The following TYW1 variants were observed in gnomAD, a reference collection of about 807,000 sequenced individuals.
TYW1 encodes tRNA-yW synthesizing protein 1 homolog, also known as S-adenosyl-L-methionine-dependent tRNA 4-demethylwyosine synthase TYW1.
In TYW1, 46 loss-of-function variants were observed where a neutral mutation model predicts 96.2. The ratio of observed to expected loss-of-function variants is 0.48; its 90% CI spans 0.38 to 0.61. The LOEUF (loss-of-function observed/expected upper bound fraction) is 0.61, where lower values mean the gene tolerates loss of function less well. Among genes scored for constraint, TYW1 ranks in the 20% least tolerant of loss-of-function variants. TYW1 has a pLI of 0.00. For synonymous variants in TYW1, 274 were observed against 323.0 expected (o/e 0.85, Z 1.63); for missense variants, 684 against 909.6 (o/e 0.75, Z 3.19).
chr7:67,079,245 A>C (rs1796308575), intron 10 of TYW1, among the ~76,000 whole-genome samples: 1 of 151,458 alleles, frequency 6.6e-6, no homozygotes, highest in Non-Finnish European at 1.5e-5. Context: ...CTGGCCATGT[A>C]CTTTTTTCTT....
At chr7:67,168,502 A>G (rs1799420222) in intron 13 of TYW1, among the ~76,000 whole-genome samples, 1 of 152,132 alleles carries the variant, frequency 6.6e-6, no homozygotes, top group Non-Finnish European at 1.5e-5. Context: ...ATAAATAATT[A>G]TAGGACCATT....
At chr7:67,213,365 G>T (rs1801102482) in intron 15 of TYW1, among the ~76,000 whole-genome samples, 1 of 152,122 alleles carries the variant, frequency 6.6e-6, no homozygotes, top group African/African-American at 2.4e-5. Context: ...TCATTTTGTT[G>T]CCTAGGCTGG....
intron 9 of TYW1, among the ~76,000 whole-genome samples, chr7:67,065,355 A>G (rs1795824017): frequency 6.6e-6 from 1 of 152,256 alleles, no homozygotes; most frequent in Non-Finnish European, 1.5e-5. Context: ...TGAATGGGAC[A>G]GGGGAGCACA....
chr7:67,023,864 A>G (rs1794359618), intron 6 of TYW1, among the ~76,000 whole-genome samples: 1 of 152,210 alleles, frequency 6.6e-6, no homozygotes, highest in Admixed American at 6.5e-5. Context: ...GAAGGCTGCC[A>G]CGTATTAGCT....
At position 67,224,716 on chromosome 7, in the gene TYW1, A is replaced by C. The variant is rs1304117720; in HGVS notation, c.1978-13592A>C. 1.9e-4 allele frequency among the ~76,000 whole-genome samples: 29 copies of C among 152,230 alleles called. 1 individual carries two copies. Among genetic ancestry groups the C allele is most frequent in the Admixed American group, 1.8e-3 (28 of 15,278 alleles). ...TAGTGTCTTTCATCACCACGAAGAA[A>C]ATGTCTGGTGTCATTCCTTAGTTTC... On this transcript the variant is annotated intron_variant, in intron 15 of 15. Transcript: ENST00000359626.
At chr7:67,020,105 G>A (rs1794193473) in intron 6 of TYW1, among the ~76,000 whole-genome samples, 1 of 152,282 alleles carries the variant, frequency 6.6e-6, no homozygotes, top group African/African-American at 2.4e-5. Context: ...AGCCAGTGTG[G>A]AGGCTCATGC....
At chr7:67,098,477 A>C (rs1441096402) in intron 11 of TYW1, 64 bp from the exon 12 acceptor site, 3 of 1,469,578 alleles carry the variant, frequency 2.0e-6, no homozygotes, top group Non-Finnish European at 9.0e-7. Flanking sequence ...TCATTAAGAA[A>C]AACGTAAGTG....
chr7:67,126,727 C>G (rs910892290), intron 13 of TYW1, among the ~76,000 whole-genome samples: 1 of 143,114 alleles, frequency 7.0e-6, no homozygotes, highest in African/African-American at 2.8e-5. Context: ...TTATCTTCTC[C>G]CCATTGTATT....
At chr7:67,140,280 C>T (rs1798406151) in intron 13 of TYW1, among the ~76,000 whole-genome samples, 2 of 152,024 alleles carry the variant, frequency 1.3e-5, no homozygotes, top group African/African-American at 4.8e-5. Context: ...TTGTTCTTTG[C>T]CTTTAGACTT....
rs568241976 is a variant in TYW1, at chr7:67,162,439, G to T, written c.1699-20687G>T. On this transcript the variant is annotated intron_variant, in intron 13 of 15. Transcript: ENST00000359626. ...TTGGGACTTTGGGAACTTGTAGATT[G>T]GTACAAGTAATATTTCTGGAGAAAT... Among the ~76,000 whole-genome samples, 11 of 152,212 alleles carry T rather than the reference G, an allele frequency of 7.2e-5. No individual in the cohort carries two copies. In the South Asian group the frequency reaches 2.1e-3, roughly 29 times the overall value.
chr7:67,068,131 C>A (rs554258881), intron 10 of TYW1, among the ~76,000 whole-genome samples: 1 of 151,654 alleles, frequency 6.6e-6, no homozygotes, highest in Non-Finnish European at 1.5e-5. Context: ...AAGTGATTCT[C>A]CTGTCTCAGC....
chr7:67,143,911 A>T (rs1346043367), intron 13 of TYW1, among the ~76,000 whole-genome samples: 1 of 152,222 alleles, frequency 6.6e-6, no homozygotes, highest in African/African-American at 2.4e-5. Flanking sequence ...TTGACTTAAA[A>T]CCGGTTGAAC....
At chr7:67,230,713 C>G (rs1418583299) in intron 15 of TYW1, among the ~76,000 whole-genome samples, 1 of 140,388 alleles carries the variant, frequency 7.1e-6, no homozygotes, top group South Asian at 2.3e-4. Context: ...AGTGCAGTGG[C>G]GCGATCTCGG....
At chr7:67,047,144 G>A (rs1795211884) in intron 7 of TYW1, among the ~76,000 whole-genome samples, 1 of 152,090 alleles carries the variant, frequency 6.6e-6, no homozygotes, top group Non-Finnish European at 1.5e-5. Context: ...GATTTGTAGA[G>A]GAATTATAAA....
chr7:67,143,372 A>C (rs1208688060), intron 13 of TYW1, among the ~76,000 whole-genome samples: 1 of 152,236 alleles, frequency 6.6e-6, no homozygotes, highest in Non-Finnish European at 1.5e-5. Context: ...AAGAAGTGAT[A>C]GCGGAACTGA....
In TYW1 at chr7:67,083,551, C is replaced by G. The variant is rs1262665749; in HGVS notation, c.1384+12C>G. 3 of 1,613,574 alleles carry G rather than the reference C, an allele frequency of 1.9e-6. No individual in the cohort carries two copies. The highest frequency in any genetic ancestry group is 3.3e-5 in the Admixed American group (2 of 59,986). The stretch of plus-strand genomic sequence containing the variant: ...TAAGCAGTTTAAAGGTATTTATCTT[C>G]CCTCTACAAAGGAATGCTAATACCT... On this transcript the variant is annotated intron_variant, in intron 11 of 15. Transcript: ENST00000359626.
rs1199655792 is a variant in TYW1 at position 67,231,543 on chromosome 7, C to T, written c.1978-6765C>T. On this transcript the variant is annotated intron_variant, in intron 15 of 15. Transcript: ENST00000359626. ...TCCAAACGTGTTTTCATTCTCCCTA[C>T]GCATTTGATTTGGATATAGAATTCT... is the stretch of plus-strand genomic sequence containing the variant. Among the ~76,000 whole-genome samples, 20 of 152,336 alleles carry T rather than the reference C, an allele frequency of 1.3e-4. No homozygotes were observed. In the East Asian group the frequency reaches 1.5e-3, roughly 12 times the overall value.
chr7:67,208,284 GC>G (rs1227675222), intron 15 of TYW1, among the ~76,000 whole-genome samples: 7 of 152,074 alleles, frequency 4.6e-5, no homozygotes, highest in Non-Finnish European at 7.4e-5. Context: ...TTGTGCCACC[GC>G]ACCCCAGCCT....
At chr7:67,230,474 G>A (rs56167042) in intron 15 of TYW1, among the ~76,000 whole-genome samples, 40,324 of 151,284 alleles carry the variant, frequency 0.27, 5,729 homozygotes, top group African/African-American at 0.36. Context: ...AAACAAAAAA[G>A]CAGCAGTTCC....
Sources: allele counts gnomAD v4.1 joint callset (sites outside exome capture counted in the v4.1 genomes callset), GRCh38; gene constraint gnomAD v4.1.1; transcripts MANE v1.5; gene names NCBI Gene and HGNC (gene_info 2026-07-23, HGNC 2026-07-21).